BRF1: variants seen among roughly 807,000 people sequenced by gnomAD.
BRF1 encodes the protein transcription factor IIIB 90 kDa subunit.
In BRF1, 59 loss-of-function variants were observed where a neutral mutation model predicts 81.7. That is an observed-to-expected ratio of 0.72 (90% CI 0.59 to 0.90). BRF1 has a LOEUF of 0.90. BRF1 is among the 40% of genes least tolerant of loss of function. BRF1 has a pLI of 0.00. For synonymous variants in BRF1, 491 were observed against 395.6 expected, an observed-to-expected ratio of 1.24 and a Z score of -2.86; for missense variants, 1,050 against 936.3, an observed-to-expected ratio of 1.12 and a Z score of -1.58.
chr14:105,229,745 CG>C (rs1566820280), intron 6 of BRF1, among the ~76,000 whole-genome samples: 1 of 14,598 alleles, frequency 6.9e-5, no homozygotes. Context: ...CAGCTGGGGG[CG>C]GGGGACAGCC....
intron 10 of BRF1, chr14:105,222,248 A>G (rs978458177): frequency 7.5e-5 from 18 of 240,450 alleles, no homozygotes; most frequent in Non-Finnish European, 7.9e-6. Flanking sequence ...GGATTTCCAA[A>G]AAATTAAGAA....
At position 105,264,628 on chromosome 14, in the gene BRF1, C is replaced by T. The variant is rs916246839; in HGVS notation, c.440-8079G>A. ...CATGCAGTGAGCCGAGATTGTGCCA[C>T]TGAACTCCAGCCTGGGTGACAGAAT... On this transcript the variant is annotated intron_variant, in intron 3 of 17. Transcript: ENST00000547530. 2.8e-5 allele frequency among the ~76,000 whole-genome samples: 4 copies of T among 140,548 alleles called. No homozygotes were observed. In the Admixed American group the frequency reaches 3.0e-4, roughly 11 times the overall value. The allele number at this position is 140,548 out of a possible 152,430, so 92.2% of individuals were successfully genotyped here.
At chr14:105,241,058 C>T (rs889151742) in intron 6 of BRF1, among the ~76,000 whole-genome samples, 5 of 152,234 alleles carry the variant, frequency 3.3e-5, no homozygotes, top group South Asian at 2.1e-4. Context: ...CCCCTTATGC[C>T]AGGACACGCA....
At position 105,226,700 on chromosome 14, in the gene BRF1, G is replaced by T; in HGVS notation, c.849C>A (p.Ile283=). ...SQLTIDEFMK[I]DLEEECDPPS... ...GGGGGTCGCACTCCTCCTCCAGGTC[G>T]ATCTTCATGAACTCATCAATGGTCA... The change falls in exon 8 of 18, where the codon ATC becomes ATA. Residue 283 remains isoleucine, a synonymous_variant. Transcript: ENST00000547530. 1 of 1,613,662 alleles carries T rather than the reference G, an allele frequency of 6.2e-7. No individual in the cohort carries two copies. Among genetic ancestry groups the T allele is most frequent in the Non-Finnish European group, 8.5e-7 (1 of 1,180,026 alleles).
rs771133021 is a variant in BRF1, at chr14:105,219,065, G to T, written c.1460-12C>A. On this transcript the variant is annotated splice_polypyrimidine_tract_variant and intron_variant, in intron 13 of 17. Coordinates refer to ENST00000547530, the MANE Select transcript of BRF1 (RefSeq NM_001519.4). ...TCTTGCTTCTTTTTCTAAAAGTTCA[G>T]AAAGGGGGCCAGCGTCACTGAGGGC... The T allele has an allele frequency of 6.2e-7, 1 of 1,613,940 alleles. No individual in the cohort carries two copies. Among genetic ancestry groups the T allele is most frequent in the Non-Finnish European group, 8.5e-7 (1 of 1,180,014 alleles).
intron 15 of BRF1, among the ~76,000 whole-genome samples, chr14:105,217,036 G>A: frequency 6.6e-6 from 1 of 152,348 alleles, no homozygotes; most frequent in East Asian, 1.9e-4. Context: ...GCCCTGCATG[G>A]AGCTGCAGAG....
At chr14:105,225,153 G>C (rs1332254143) in intron 10 of BRF1, among the ~76,000 whole-genome samples, 3 of 152,232 alleles carry the variant, frequency 2.0e-5, no homozygotes, top group Non-Finnish European at 4.4e-5. Context: ...AGTTCGACCA[G>C]GCTGGGCCAG....
chr14:105,302,204 C>CTTT (rs1274491955), upstream of BRF1, among the ~76,000 whole-genome samples: 1 of 132,786 alleles, frequency 7.5e-6, no homozygotes, highest in Non-Finnish European at 1.6e-5. Flanking sequence ...TTTTTTCTTT[C>CTTT]TTTTTTTTTT....
chr14:105,264,492 G>A (rs999276281), intron 3 of BRF1, among the ~76,000 whole-genome samples: 2 of 151,616 alleles, frequency 1.3e-5, no homozygotes, highest in African/African-American at 2.4e-5. Context: ...GTGAAACACC[G>A]TCTCTACTAA....
Position 105,300,511 on chromosome 14 carries a change from T to C in BRF1, c.119A>G (p.Glu40Gly). 6.5e-7 allele frequency: 1 copy of C among 1,537,582 alleles called. No homozygotes were observed. Among genetic ancestry groups the C allele is most frequent in the Non-Finnish European group, 8.7e-7 (1 of 1,144,550 alleles). Reference protein sequence around the residue: ...SVLEDNIIVSEVQFVESSGGG... With the variant: ...SVLEDNIIVSGVQFVESSGGG... ...GCCGCTGCTCTCCACGAACTGCACCTCGGACACGATGATGTTGTCCTCCAG... is the reference window on the plus strand; with the variant it reads ...GCCGCTGCTCTCCACGAACTGCACCCCGGACACGATGATGTTGTCCTCCAG... Residue 40 changes from glutamate to glycine, a missense_variant, in exon 1 of 18, where the codon GAG becomes GGG. Glu to Gly is a moderately conservative substitution (Grantham distance 98). Transcript: ENST00000547530.
intron 1 of BRF1, among the ~76,000 whole-genome samples, chr14:105,286,604 C>T (rs587618928): frequency 2.0e-4 from 31 of 152,212 alleles, no homozygotes; most frequent in Non-Finnish European, 3.2e-4. Flanking sequence ...CTGCACTTTC[C>T]GCATTTTCTT....
At chr14:105,268,269 G>A (rs1244576609) in intron 3 of BRF1, among the ~76,000 whole-genome samples, 2 of 152,290 alleles carry the variant, frequency 1.3e-5, no homozygotes, top group Non-Finnish European at 2.9e-5. Context: ...GACAATGGCA[G>A]AGGTGCTCAT....
At chr14:105,223,667 G>A (rs1892652851) in intron 10 of BRF1, among the ~76,000 whole-genome samples, 1 of 152,246 alleles carries the variant, frequency 6.6e-6, no homozygotes, top group South Asian at 2.1e-4. Context: ...CCAAGGGCCT[G>A]TGGACCCCGT....
At chr14:105,229,539 G>C (rs587648130) in intron 6 of BRF1, among the ~76,000 whole-genome samples, 1 of 152,190 alleles carries the variant, frequency 6.6e-6, no homozygotes, top group Non-Finnish European at 1.5e-5. Context: ...ACCAGGCCAC[G>C]GCCACATCCA....
In BRF1 at chr14:105,310,035, C is replaced by T. The variant is rs892103456; in HGVS notation, c.-162+5287G>A. Among the ~76,000 whole-genome samples the T allele has an allele frequency of 4.2e-4, 63 of 151,740 alleles. 1 individual carries two copies. Among genetic ancestry groups the T allele is most frequent in the African/African-American group, 7.2e-4 (30 of 41,456 alleles). ...TCCTGACCTGGAGATCCACCCGCCT[C>T]GGCCTCCCAAAGTGCTGGGATTACA... On this transcript the variant is annotated intron_variant, in intron 1 of 17. Transcript: ENST00000327359.
intron 7 of BRF1, 95 bp from the exon 8 acceptor site, chr14:105,226,855 T>A: frequency 6.3e-7 from 1 of 1,579,706 alleles, no homozygotes; most frequent in Non-Finnish European, 8.6e-7. Flanking sequence ...ATGCCTGTGA[T>A]CCCAGTGCTT....
chr14:105,209,554 G>A lies in BRF1; in HGVS notation c.*997C>T. ...AGCCCCCTCGGCCACATCCGGGGCA[G>A]CCATGCCAGAGCTGAGACCTCCTAC... is the stretch of plus-strand genomic sequence containing the variant. On this transcript the variant is annotated 3_prime_UTR_variant, in exon 18 of 18. Transcript: ENST00000547530. 1.4e-6 allele frequency: 1 copy of A among 702,668 alleles called. No homozygotes were observed. The highest frequency in any genetic ancestry group is 2.6e-6 in the Non-Finnish European group (1 of 384,892). The allele number at this position is 702,668 out of a possible 1,614,324, so 43.5% of individuals were successfully genotyped here.
intron 3 of BRF1, among the ~76,000 whole-genome samples, chr14:105,257,081 G>A (rs1230221719): frequency 6.6e-6 from 1 of 152,222 alleles, no homozygotes; most frequent in East Asian, 1.9e-4. Flanking sequence ...CGCCACTGGG[G>A]GCTGCGCTCG....
At chr14:105,304,412 T>C (rs2058120355), upstream of BRF1, among the ~76,000 whole-genome samples, 1 of 152,052 alleles carries the variant, frequency 6.6e-6, no homozygotes, top group African/African-American at 2.4e-5. Flanking sequence ...TGCTTGAACC[T>C]GGGAGGCGGG....
Sources: gnomAD v4.1 joint callset for allele counts (sites outside exome capture counted in the v4.1 genomes callset) on GRCh38, gnomAD v4.1.1 for gene constraint, MANE v1.5 for transcripts, NCBI Gene and HGNC (gene_info 2026-07-23, HGNC 2026-07-21) for gene names.